TRAPPC9: variants seen among roughly 807,000 people sequenced by gnomAD.
TRAPPC9 encodes the protein IKK2 binding protein.
In TRAPPC9, 83 loss-of-function variants were observed where a neutral mutation model predicts 124.0. The ratio of observed to expected loss-of-function variants is 0.67; its 90% CI spans 0.56 to 0.80. The LOEUF (loss-of-function observed/expected upper bound fraction) is 0.80. TRAPPC9 is among the 30% of genes least tolerant of loss of function. The pLI is 0.00. For synonymous variants in TRAPPC9, 638 were observed against 617.5 expected, an observed-to-expected ratio of 1.03 and a Z score of -0.49; for missense variants, 1,302 against 1,508.3, an observed-to-expected ratio of 0.86 and a Z score of 2.27.
In TRAPPC9 at chr8:139,910,145, A is replaced by G. The variant is rs1338101208; in HGVS notation, c.2964+2T>C. On this transcript the variant is annotated splice_donor_variant, in intron 20 of 22. Transcript: ENST00000438773. LOFTEE classifies it high-confidence loss of function. ...GCCCAGGTGGCCCCTGGAAAAGGATATGATTCTCCAGCAGATGCCCAGCTT... is the reference window on the plus strand; with the variant it reads ...GCCCAGGTGGCCCCTGGAAAAGGATGTGATTCTCCAGCAGATGCCCAGCTT... 30 of 1,613,758 alleles carry G rather than the reference A, an allele frequency of 1.9e-5. No homozygotes were observed. Among genetic ancestry groups the G allele is most frequent in the Non-Finnish European group, 2.5e-5 (30 of 1,179,974 alleles).
At chr8:139,771,022 C>T (rs989212246) in intron 21 of TRAPPC9, among the ~76,000 whole-genome samples, 5 of 152,098 alleles carry the variant, frequency 3.3e-5, no homozygotes, top group Admixed American at 6.5e-5. Context: ...GAAAGTGTAC[C>T]CCCAGGGACG....
In TRAPPC9 at chr8:140,132,459, T is replaced by C. The variant is rs538543636; in HGVS notation, c.2556+89000A>G. On this transcript the variant is annotated intron_variant, in intron 17 of 22. Coordinates refer to ENST00000438773, the MANE Select transcript of TRAPPC9 (RefSeq NM_001160372.4). ...CCTCAGCCTCAGTAGATTGCCATCA[T>C]CTTCCCTGTTTCCACTGTGAGTCAC... 8.4e-4 allele frequency among the ~76,000 whole-genome samples: 128 copies of C among 152,196 alleles called. 1 individual carries two copies. Among genetic ancestry groups the C allele is most frequent in the Non-Finnish European group, 1.7e-3 (113 of 68,042 alleles).
rs117223518 is a variant in TRAPPC9 at position 140,204,000 on chromosome 8, T to C, written c.2556+17459A>G. 4.7e-3 allele frequency among the ~76,000 whole-genome samples: 711 copies of C among 152,230 alleles called. 29 individuals carry two copies. Among genetic ancestry groups the C allele is most frequent in the Admixed American group, 0.038 (581 of 15,290 alleles). On this transcript the variant is annotated intron_variant, in intron 17 of 22. Coordinates refer to ENST00000438773, the MANE Select transcript of TRAPPC9 (RefSeq NM_001160372.4). Reference sequence around the variant, plus strand: ...CTTGGTGAAAAGATGGACGATGATATGGTTTGGATGTTTGGTCTCCTCCAA... The same window carrying C: ...CTTGGTGAAAAGATGGACGATGATACGGTTTGGATGTTTGGTCTCCTCCAA...
intron 15 of TRAPPC9, among the ~76,000 whole-genome samples, chr8:140,253,458 AC>A (rs1563885053): frequency 6.6e-6 from 1 of 152,114 alleles, no homozygotes; most frequent in Non-Finnish European, 1.5e-5. Context: ...AGGGTGAATC[AC>A]TTGAGATCAG....
At position 140,235,391 on chromosome 8, in the gene TRAPPC9, C is replaced by T. The variant is rs150606481; in HGVS notation, c.2432-13808G>A. On this transcript the variant is annotated intron_variant, in intron 16 of 22. Transcript: ENST00000438773. ...CACAGAATCTAAAATGTGTGCAATA[C>T]TCATAGCTGACAATGGACTAATATC... is the stretch of plus-strand genomic sequence containing the variant. 2.6e-5 allele frequency among the ~76,000 whole-genome samples: 4 copies of T among 152,296 alleles called. No individual in the cohort carries two copies. The East Asian group carries it at 7.7e-4, about 29-fold the overall frequency.
intron 17 of TRAPPC9, among the ~76,000 whole-genome samples, chr8:140,110,011 A>G (rs1441315044): frequency 6.6e-6 from 1 of 152,088 alleles, no homozygotes; most frequent in African/African-American, 2.4e-5. Context: ...AGACAGACTC[A>G]GGTGACAGCA....
intron 17 of TRAPPC9, among the ~76,000 whole-genome samples, chr8:140,185,544 TG>T (rs1273947862): frequency 6.6e-6 from 1 of 152,190 alleles, no homozygotes; most frequent in East Asian, 1.9e-4. Flanking sequence ...GGTCTGATCC[TG>T]CGAGTACAAG....
intron 7 of TRAPPC9, among the ~76,000 whole-genome samples, chr8:140,382,425 C>T (rs570759985): frequency 3.3e-5 from 5 of 152,332 alleles, no homozygotes; most frequent in Admixed American, 1.3e-4. Flanking sequence ...CCTGGAAAAT[C>T]GGGTCACTCC....
chr8:140,045,627 G>A (rs4288356), intron 17 of TRAPPC9, among the ~76,000 whole-genome samples: 70,441 of 113,892 alleles, frequency 0.62, 20,721 homozygotes, highest in Middle Eastern at 0.72. Flanking sequence ...ACTCCATCTC[G>A]GCAGAAAAAA....
intron 21 of TRAPPC9, among the ~76,000 whole-genome samples, chr8:139,766,043 G>A (rs1310439865): frequency 6.6e-6 from 1 of 152,248 alleles, no homozygotes; most frequent in Non-Finnish European, 1.5e-5. Context: ...TTCCATAGAT[G>A]CAACAGCTAA....
intron 17 of TRAPPC9, among the ~76,000 whole-genome samples, chr8:140,086,992 C>T (rs1472125089): frequency 6.6e-6 from 1 of 152,014 alleles, no homozygotes; most frequent in Non-Finnish European, 1.5e-5. Flanking sequence ...CATCCTGTTT[C>T]CCTGTTCTCT....
Position 140,228,545 on chromosome 8 carries a change from A to C in TRAPPC9, c.2432-6962T>G, listed in dbSNP as rs189925176. ...CATACTATTCAAATGGCAACAGTCC[A>C]CATTCCCCATGGGCAGCCTCACTTT... On this transcript the variant is annotated intron_variant, in intron 16 of 22. Transcript: ENST00000438773. 4.0e-4 allele frequency among the ~76,000 whole-genome samples: 61 copies of C among 152,370 alleles called. 1 individual carries two copies. The highest frequency in any genetic ancestry group is 3.5e-3 in the Admixed American group (54 of 15,298).
In TRAPPC9 at chr8:140,388,512, C is replaced by T. The variant is rs568582745; in HGVS notation, c.1134+9108G>A. On this transcript the variant is annotated intron_variant, in intron 7 of 22. Transcript: ENST00000438773. ...CAGCCTGACCAACATGGAGAAACCC[C>T]ATCTCTATTAAAAATACAAAATTAG... Among the ~76,000 whole-genome samples the T allele has an allele frequency of 1.6e-3, 240 of 152,174 alleles. 1 individual carries two copies. Among genetic ancestry groups the T allele is most frequent in the African/African-American group, 5.6e-3 (232 of 41,518 alleles).
At chr8:139,998,257 A>G (rs1298772071) in intron 18 of TRAPPC9, among the ~76,000 whole-genome samples, 1 of 152,274 alleles carries the variant, frequency 6.6e-6, no homozygotes, top group Admixed American at 6.5e-5. Context: ...CAGATAAAGG[A>G]AAATTAAGAA....
intron 15 of TRAPPC9, among the ~76,000 whole-genome samples, chr8:140,274,195 G>A (rs1220081971): frequency 6.6e-6 from 1 of 152,018 alleles, no homozygotes; most frequent in African/African-American, 2.4e-5. Context: ...TCCATGTTGT[G>A]TGACTAGCAC....
At chr8:139,887,182 C>T (rs971499345) in intron 20 of TRAPPC9, among the ~76,000 whole-genome samples, 7 of 150,736 alleles carry the variant, frequency 4.6e-5, no homozygotes, top group African/African-American at 7.3e-5. Flanking sequence ...CCTGGGGGCT[C>T]GGGAACCTCT....
intron 7 of TRAPPC9, among the ~76,000 whole-genome samples, chr8:140,388,165 C>T (rs12549147): frequency 0.71 from 103,272 of 146,202 alleles, 36,863 homozygotes; most frequent in African/African-American, 0.84. Context: ...TAGGTGGGAA[C>T]TGAACAATGA....
At chr8:139,922,828 G>A (rs757907396) in intron 19 of TRAPPC9, among the ~76,000 whole-genome samples, 2 of 152,254 alleles carry the variant, frequency 1.3e-5, no homozygotes, top group South Asian at 2.1e-4. Context: ...GCTGGGACAC[G>A]AAGCTCAGGC....
chr8:140,390,062 G>C (rs1225838187), intron 7 of TRAPPC9, among the ~76,000 whole-genome samples: 1 of 152,146 alleles, frequency 6.6e-6, no homozygotes, highest in Non-Finnish European at 1.5e-5. Flanking sequence ...CCAGCACTTT[G>C]GGAGGCCGAG....
Sources: gnomAD v4.1 joint callset for allele counts (sites outside exome capture counted in the v4.1 genomes callset) on GRCh38, gnomAD v4.1.1 for gene constraint, MANE v1.5 for transcripts, NCBI Gene and HGNC (gene_info 2026-07-23, HGNC 2026-07-21) for gene names.